The following SAMMSON variants were observed in gnomAD, a reference collection of about 807,000 sequenced individuals.
SAMMSON encodes survival associated mitochondrial melanoma specific oncogenic non-coding RNA.
At chr3:70,303,446 G>A (rs570608899) in intron 7 of SAMMSON, among the ~76,000 whole-genome samples, 96 of 152,222 alleles carry the variant, frequency 6.3e-4, no homozygotes, top group Admixed American at 1.9e-3. Context: ...CAGAAGTGGC[G>A]ATCTGAATGT....
At chr3:70,418,340 T>C (rs997665493) in intron 2 of SAMMSON, among the ~76,000 whole-genome samples, 4 of 152,230 alleles carry the variant, frequency 2.6e-5, no homozygotes, top group African/African-American at 9.6e-5. Flanking sequence ...TACTCTCTGT[T>C]CATTTTAAAT....
At chr3:70,370,067 ATC>A (rs1702954109) in intron 9 of SAMMSON, among the ~76,000 whole-genome samples, 1 of 151,734 alleles carries the variant, frequency 6.6e-6, no homozygotes, top group Non-Finnish European at 1.5e-5. Context: ...GAGAACTCAT[ATC>A]TCTCTGTGCC....
intron 5 of SAMMSON, chr3:70,249,257 A>G (rs902683054): frequency 2.0e-5 from 3 of 152,134 alleles, no homozygotes; most frequent in Non-Finnish European, 4.4e-5. Flanking sequence ...GAAGGGACAG[A>G]ACTGGATTCA....
chr3:70,257,034 A>G (rs933325661), intron 6 of SAMMSON, among the ~76,000 whole-genome samples: 2 of 152,214 alleles, frequency 1.3e-5, no homozygotes, highest in Non-Finnish European at 2.9e-5. Context: ...ATAATAATTC[A>G]GAGATCTGAT....
intron 4 of SAMMSON, among the ~76,000 whole-genome samples, chr3:70,151,375 A>G (rs1353045789): frequency 6.6e-6 from 1 of 152,050 alleles, no homozygotes; most frequent in Non-Finnish European, 1.5e-5. Context: ...ACAAAGCTGG[A>G]TGCTAGAAAT....
chr3:70,065,068 TC>T (rs1246298270), intron 3 of SAMMSON, among the ~76,000 whole-genome samples: 1 of 152,126 alleles, frequency 6.6e-6, no homozygotes, highest in African/African-American at 2.4e-5. Flanking sequence ...AGAAGAAGAC[TC>T]AAAGTTGGTG....
intron 4 of SAMMSON, among the ~76,000 whole-genome samples, chr3:70,240,718 A>G (rs1701659367): frequency 6.6e-6 from 1 of 152,146 alleles, no homozygotes; most frequent in Non-Finnish European, 1.5e-5. Context: ...AACATGGTGC[A>G]TTTCAGAAAC....
At chr3:70,219,444 T>C (rs923574686) in intron 4 of SAMMSON, among the ~76,000 whole-genome samples, 1 of 152,184 alleles carries the variant, frequency 6.6e-6, no homozygotes, top group African/African-American at 2.4e-5. Flanking sequence ...GCTGTAGTTC[T>C]TTGTCACCTT....
At chr3:70,405,029 A>G (rs954179684) in intron 2 of SAMMSON, among the ~76,000 whole-genome samples, 2 of 152,190 alleles carry the variant, frequency 1.3e-5, no homozygotes, top group Admixed American at 1.3e-4. Context: ...ACAACAAAAA[A>G]CATCAGTGAA....
intron 9 of SAMMSON, among the ~76,000 whole-genome samples, chr3:70,383,425 A>T (rs1387865064): frequency 6.6e-6 from 1 of 151,694 alleles, no homozygotes; most frequent in Non-Finnish European, 1.5e-5. Flanking sequence ...AATAGCTTTC[A>T]TTTTCGTAAA....
chr3:70,210,330 A>G (rs1438679991), intron 4 of SAMMSON, among the ~76,000 whole-genome samples: 1 of 152,088 alleles, frequency 6.6e-6, no homozygotes, highest in African/African-American at 2.4e-5. Flanking sequence ...ATCTCTGTTT[A>G]TATTTTTATT....
At chr3:70,113,290 A>C (rs1393347922) in intron 4 of SAMMSON, among the ~76,000 whole-genome samples, 1 of 152,188 alleles carries the variant, frequency 6.6e-6, no homozygotes, top group African/African-American at 2.4e-5. Flanking sequence ...TACTTTCCCC[A>C]AATCAATTTT....
At chr3:70,210,076 C>G (rs1216329840) in intron 4 of SAMMSON, among the ~76,000 whole-genome samples, 4 of 151,938 alleles carry the variant, frequency 2.6e-5, no homozygotes, top group Admixed American at 2.6e-4. Context: ...TGCTTTTGCA[C>G]AAAGTAATTC....
intron 3 of SAMMSON, among the ~76,000 whole-genome samples, chr3:70,065,087 G>A (rs756777489): frequency 3.9e-5 from 6 of 152,020 alleles, no homozygotes; most frequent in South Asian, 2.1e-4. Flanking sequence ...GTGCTGATCA[G>A]CCATCTTTTA....
Position 70,119,943 on chromosome 3 carries a change from AG to A in SAMMSON, n.507+48379del, listed in dbSNP as rs532162751. On this transcript the variant is annotated intron_variant and non_coding_transcript_variant, in intron 4 of 9. Coordinates refer to ENST00000642114, the Ensembl canonical transcript of SAMMSON. ...TTCCTTTAATAAATGCCCAGTGGATAGATTTATTATTATTATTATTTTTAAT... is the reference window on the plus strand; with the variant it reads ...TTCCTTTAATAAATGCCCAGTGGATAATTTATTATTATTATTATTTTTAAT... 2.2e-3 allele frequency among the ~76,000 whole-genome samples: 328 copies of A among 152,268 alleles called. 1 individual carries two copies. Among genetic ancestry groups the A allele is most frequent in the African/African-American group, 7.2e-3 (298 of 41,548 alleles).
chr3:70,058,695 T>C (rs1052551032), intron 3 of SAMMSON, among the ~76,000 whole-genome samples: 1 of 152,152 alleles, frequency 6.6e-6, no homozygotes, highest in Non-Finnish European at 1.5e-5. Flanking sequence ...AAAGTTCTTT[T>C]ATAATTACAT....
chr3:70,021,662 G>A (rs1320768394), intron 3 of SAMMSON, among the ~76,000 whole-genome samples: 2 of 152,048 alleles, frequency 1.3e-5, no homozygotes, highest in Non-Finnish European at 2.9e-5. Context: ...TTCTCAGATT[G>A]TGGTGATATT....
intron 4 of SAMMSON, among the ~76,000 whole-genome samples, chr3:70,085,690 C>G (rs2067283030): frequency 6.6e-6 from 1 of 152,118 alleles, no homozygotes; most frequent in Admixed American, 6.6e-5. Context: ...TTTTAATAAG[C>G]ATAATATGGT....
chr3:70,152,141 C>T (rs1423509578), intron 4 of SAMMSON, among the ~76,000 whole-genome samples: 2 of 151,652 alleles, frequency 1.3e-5, no homozygotes, highest in Non-Finnish European at 2.9e-5. Flanking sequence ...GTTCTGGCAC[C>T]TGTTGCAGAA....
Sources: allele counts gnomAD v4.1 joint callset (sites outside exome capture counted in the v4.1 genomes callset), GRCh38; gene constraint gnomAD v4.1.1; transcripts MANE v1.5; gene names NCBI Gene and HGNC (gene_info 2026-07-23, HGNC 2026-07-21).